The following SH3GL1 variants were observed in gnomAD, a reference collection of about 807,000 sequenced individuals.
SH3GL1 encodes the protein endophilin-A2.
A neutral mutation model predicts 48.8 loss-of-function variants in SH3GL1; 21 were observed. The observed-to-expected ratio is 0.43, with a 90% CI of 0.30 to 0.62. The LOEUF is 0.62. SH3GL1 is among the 20% of genes least tolerant of loss of function. SH3GL1 has a pLI of 0.11. For missense variants in SH3GL1, 454 were observed against 503.0 expected (o/e 0.90, Z 0.93); for synonymous variants, 282 against 217.5 (o/e 1.30, Z -2.61).
intron 1 of SH3GL1, among the ~76,000 whole-genome samples, chr19:4,372,142 C>A (rs546812779): frequency 6.6e-5 from 10 of 152,328 alleles, no homozygotes; most frequent in African/African-American, 2.4e-4. Flanking sequence ...GGGACAACAG[C>A]CCCAGGACAA....
At position 4,377,496 on chromosome 19, in the gene SH3GL1, A is replaced by T. The variant is rs373572327; in HGVS notation, c.46-10502T>A. Among the ~76,000 whole-genome samples the T allele has an allele frequency of 2.8e-4, 42 of 152,346 alleles. No homozygotes were observed. The South Asian group carries it at 5.4e-3, about 20-fold the overall frequency. Reference sequence around the variant, plus strand: ...CATGGTGGCCCACAGTCACGAAGACAGGTTTTCTGAGGTGTGGCTACCAAA... The same window carrying T: ...CATGGTGGCCCACAGTCACGAAGACTGGTTTTCTGAGGTGTGGCTACCAAA... On this transcript the variant is annotated intron_variant, in intron 1 of 9. Coordinates refer to ENST00000269886, the MANE Select transcript of SH3GL1 (RefSeq NM_003025.4).
At chr19:4,379,234 A>G (rs1973071402) in intron 1 of SH3GL1, among the ~76,000 whole-genome samples, 1 of 151,748 alleles carries the variant, frequency 6.6e-6, no homozygotes, top group Admixed American at 6.6e-5. Context: ...GAAGCAGATC[A>G]CCTGAGATTG....
chr19:4,388,148 C>A (rs553361958), intron 1 of SH3GL1, among the ~76,000 whole-genome samples: 22 of 152,226 alleles, frequency 1.4e-4, no homozygotes, highest in African/African-American at 4.3e-4. Context: ...TGTGAGCCAT[C>A]GTGTCCGGCC....
intron 1 of SH3GL1, among the ~76,000 whole-genome samples, chr19:4,375,427 G>A (rs1030837130): frequency 3.3e-5 from 5 of 152,254 alleles, no homozygotes; most frequent in Non-Finnish European, 7.3e-5. Flanking sequence ...AAGGGGAGGG[G>A]CAACGCCCCA....
chr19:4,399,980 G>C (rs982960359), intron 1 of SH3GL1, among the ~76,000 whole-genome samples: 3 of 152,194 alleles, frequency 2.0e-5, no homozygotes, highest in Non-Finnish European at 4.4e-5. Flanking sequence ...TCTGGCAAGA[G>C]TCCTGTGTCG....
chr19:4,398,385 T>C (rs1468192181), intron 1 of SH3GL1, among the ~76,000 whole-genome samples: 1 of 151,044 alleles, frequency 6.6e-6, no homozygotes, highest in Non-Finnish European at 1.5e-5. Context: ...AGGCTTCTTG[T>C]CTTTTTTTTT....
chr19:4,372,937 C>T (rs2144882467), intron 1 of SH3GL1, among the ~76,000 whole-genome samples: 1 of 152,358 alleles, frequency 6.6e-6, no homozygotes, highest in African/African-American at 2.4e-5. Flanking sequence ...GCTCGCCTAT[C>T]TACAGGGGCG....
rs750869008 is a variant in SH3GL1 at position 4,361,556 on chromosome 19, G to A, written c.*44C>T. ...GAATGCAGGAGACCCAGCAGGGGGT[G>A]CCGGCCAGTGTGGACGGAGGGGCGG... On this transcript the variant is annotated 3_prime_UTR_variant, in exon 10 of 10. Transcript: ENST00000269886. 7.0e-7 allele frequency: 1 copy of A among 1,437,646 alleles called. No homozygotes were observed. The highest frequency in any genetic ancestry group is 9.5e-7 in the Non-Finnish European group (1 of 1,048,642). The allele number at this position is 1,437,646 out of a possible 1,614,324, so 89.1% of individuals were successfully genotyped here.
At chr19:4,381,452 CCT>C (rs1224108026) in intron 1 of SH3GL1, among the ~76,000 whole-genome samples, 10 of 126,040 alleles carry the variant, frequency 7.9e-5, no homozygotes, top group South Asian at 3.2e-4. Context: ...TGTCCCCCTA[CCT>C]CTGTCTCCCA....
In SH3GL1 at chr19:4,365,465, CAG is replaced by C. The variant is rs1972754672; in HGVS notation, c.331+15_331+16del. ...CTCCAGGGACGGTGGGCGTGGCTTC[CAG>C]AGAGCACCACTCACCAAAGTTGGAC... On this transcript the variant is annotated intron_variant, in intron 4 of 9. Coordinates refer to ENST00000269886, the MANE Select transcript of SH3GL1 (RefSeq NM_003025.4). The C allele has an allele frequency of 3.1e-6, 5 of 1,613,074 alleles. No individual in the cohort carries two copies. Among genetic ancestry groups the C allele is most frequent in the Non-Finnish European group, 4.2e-6 (5 of 1,179,980 alleles).
intron 1 of SH3GL1, among the ~76,000 whole-genome samples, chr19:4,380,543 T>A (rs1973100131): frequency 6.6e-6 from 1 of 152,098 alleles, no homozygotes; most frequent in Non-Finnish European, 1.5e-5. Flanking sequence ...GGTTTGGAAG[T>A]GCCCGTTTGG....
At chr19:4,366,419 C>T (rs1161307578) in intron 3 of SH3GL1, 82 bp downstream of exon 3, 96 of 1,101,364 alleles carry the variant, frequency 8.7e-5, no homozygotes, top group Admixed American at 8.7e-4. Flanking sequence ...ATGAGCCTGG[C>T]GGTTCTGTCA....
intron 1 of SH3GL1, among the ~76,000 whole-genome samples, chr19:4,398,204 G>A (rs947402686): frequency 1.3e-5 from 2 of 151,994 alleles, no homozygotes; most frequent in African/African-American, 2.4e-5. Flanking sequence ...CTGGGGACTC[G>A]TTTCTCTTTG....
intron 1 of SH3GL1, among the ~76,000 whole-genome samples, chr19:4,383,430 C>T (rs1165219905): frequency 6.6e-6 from 1 of 151,692 alleles, no homozygotes; most frequent in Non-Finnish European, 1.5e-5. Flanking sequence ...GACGGGGTTT[C>T]ACTTTGTTGC....
chr19:4,360,596 G>C lies in SH3GL1; in HGVS notation c.*1004C>G, dbSNP rs991043912. On this transcript the variant is annotated 3_prime_UTR_variant, in exon 10 of 10. Transcript: ENST00000269886. Reference sequence around the variant, plus strand: ...GGCCCAGAGAACTCCCCATTTCATCGATTTTGCATTGGGCGATAGAGGAAG... The same window carrying C: ...GGCCCAGAGAACTCCCCATTTCATCCATTTTGCATTGGGCGATAGAGGAAG... 2 of 232,908 alleles carry C rather than the reference G, an allele frequency of 8.6e-6. No individual in the cohort carries two copies. Among genetic ancestry groups the C allele is most frequent in the African/African-American group, 4.4e-5 (2 of 45,294 alleles). 14.4% of individuals were successfully genotyped at this position (232,908 alleles called of 1,614,324 possible).
chr19:4,370,641 C>A (rs908889159), intron 1 of SH3GL1, among the ~76,000 whole-genome samples: 3 of 152,246 alleles, frequency 2.0e-5, no homozygotes, highest in Admixed American at 2.0e-4. Context: ...GCCTTCTCTC[C>A]CCATGCCTGG....
In SH3GL1 at chr19:4,389,417, T is replaced by G. The variant is rs558501733; in HGVS notation, c.45+10907A>C. On this transcript the variant is annotated intron_variant, in intron 1 of 9. Coordinates refer to ENST00000269886, the MANE Select transcript of SH3GL1 (RefSeq NM_003025.4). The surrounding 1 kb of genome is among the most constrained non-coding windows in gnomAD (Gnocchi z 4.5). ...GACAGGAAGTGGAGAGAAAATGAGG[T>G]TGGGAGGTAGGAGAGGCCGGTGACA... 6.6e-6 allele frequency among the ~76,000 whole-genome samples: 1 copy of G among 150,974 alleles called. No individual in the cohort carries two copies. The highest frequency in any genetic ancestry group is 2.0e-4 in the East Asian group (1 of 5,098).
In SH3GL1 at chr19:4,361,522, G is replaced by C; in HGVS notation, c.*78C>G. 8.6e-7 allele frequency: 1 copy of C among 1,157,996 alleles called. No homozygotes were observed. The highest frequency in any genetic ancestry group is 1.4e-5 in the South Asian group (1 of 70,456). 71.7% of individuals were successfully genotyped at this position (1,157,996 alleles called of 1,614,324 possible). ...GCTCAGACACCGCCCTGGCAGCAGG[G>C]GCTCCGTGGAATGCAGGAGACCCAG... is the stretch of plus-strand genomic sequence containing the variant. On this transcript the variant is annotated 3_prime_UTR_variant, in exon 10 of 10. Coordinates refer to ENST00000269886, the MANE Select transcript of SH3GL1 (RefSeq NM_003025.4).
chr19:4,370,592 A>G (rs1972879422), intron 1 of SH3GL1, among the ~76,000 whole-genome samples: 1 of 152,186 alleles, frequency 6.6e-6, no homozygotes, highest in African/African-American at 2.4e-5. Flanking sequence ...GACCAACCGC[A>G]GGCCCCACAA....
Sources: gnomAD v4.1 joint callset for allele counts (sites outside exome capture counted in the v4.1 genomes callset) on GRCh38, gnomAD v4.1.1 for gene constraint, Gnocchi (gnomAD v3.1) non-coding constraint, MANE v1.5 for transcripts, NCBI Gene and HGNC (gene_info 2026-07-23, HGNC 2026-07-21) for gene names.